The following TRIP12 variants were observed in gnomAD, a reference collection of about 807,000 sequenced individuals.
The protein encoded by TRIP12 is E3 ubiquitin-protein ligase TRIP12.
In TRIP12, 25 loss-of-function variants were observed where a neutral mutation model predicts 244.2. The observed-to-expected ratio is 0.10, with a 90% confidence interval of 0.07 to 0.14. The LOEUF (loss-of-function observed/expected upper bound fraction) is 0.14, where lower values mean the gene tolerates loss of function less well. TRIP12 is among the 10% of genes least tolerant of loss of function. The pLI is 1.00. For synonymous variants in TRIP12, 905 were observed against 873.1 expected (o/e 1.04, Z -0.64); for missense variants, 1,677 against 2,486.4 (o/e 0.67, Z 6.92).
At chr2:229,879,719 G>T (rs2064415388) in intron 2 of TRIP12, among the ~76,000 whole-genome samples, 1 of 152,172 alleles carries the variant, frequency 6.6e-6, no homozygotes, top group African/African-American at 2.4e-5. Context: ...AAGAGAAAGG[G>T]CAAACAAAAC....
intron 29 of TRIP12, 59 bp from the exon 30 acceptor site, chr2:229,791,310 A>G (rs2041470165): frequency 6.3e-7 from 1 of 1,589,154 alleles, no homozygotes; most frequent in Non-Finnish European, 8.6e-7. Flanking sequence ...TACAAAGCCA[A>G]AATCTAAGCC....
chr2:229,908,779 C>A (rs1210635367), intron 1 of TRIP12, among the ~76,000 whole-genome samples: 2 of 149,836 alleles, frequency 1.3e-5, no homozygotes, highest in African/African-American at 4.9e-5. Flanking sequence ...GGCTTACGCG[C>A]CTATAATCCC....
chr2:229,871,317 A>G (rs2062561713), intron 2 of TRIP12, among the ~76,000 whole-genome samples: 1 of 152,238 alleles, frequency 6.6e-6, no homozygotes, highest in South Asian at 2.1e-4. Flanking sequence ...AAATTAAAAG[A>G]CATTAGTAAT....
intron 4 of TRIP12, among the ~76,000 whole-genome samples, chr2:229,842,750 TA>T (rs1280814821): frequency 2.0e-5 from 3 of 152,192 alleles, no homozygotes; most frequent in Non-Finnish European, 4.4e-5. Flanking sequence ...ACATTAAAAA[TA>T]AATTATTCAA....
chr2:229,836,991 C>T lies in TRIP12; in HGVS notation c.1134-7G>A, dbSNP rs1451612521. On this transcript the variant is annotated splice_region_variant and splice_polypyrimidine_tract_variant and intron_variant, in intron 5 of 41. Transcript: ENST00000675903. The stretch of plus-strand genomic sequence containing the variant: ...CAGGCCAGAGCCTCGCCGACTACAA[C>T]AGAAAAATGTCATCATGGGCAGCAT... The T allele has an allele frequency of 6.5e-7, 1 of 1,530,694 alleles. No individual in the cohort carries two copies. The highest frequency in any genetic ancestry group is 1.2e-5 in the South Asian group (1 of 80,088). 94.8% of individuals were successfully genotyped at this position (1,530,694 alleles called of 1,614,324 possible). A position where few individuals can be genotyped will look rare whatever the true frequency, so the allele number is the denominator to read the frequency against.
Position 229,789,722 on chromosome 2 carries a change from G to A in TRIP12, c.4584C>T (p.Tyr1528=). 1.2e-6 allele frequency: 2 copies of A among 1,614,026 alleles called. No individual in the cohort carries two copies. Among genetic ancestry groups the A allele is most frequent in the African/African-American group, 1.3e-5 (1 of 75,018 alleles). ...CPSVSNPLEV[Y]LIPTPPENIT... is the part of the protein sequence containing the mutation. Reference sequence around the variant, plus strand: ...TATTTTCAGGTGGTGTGGGAATGAGGTAAACTTCTAAAGGATTTGATACTG... The same window carrying A: ...TATTTTCAGGTGGTGTGGGAATGAGATAAACTTCTAAAGGATTTGATACTG... Residue 1528 remains tyrosine (Y), a synonymous_variant, in exon 31 of 42, where the codon TAC becomes TAT. Coordinates refer to ENST00000675903, the MANE Select transcript of TRIP12 (RefSeq NM_001348323.3).
chr2:229,806,892 A>T (rs933528659), intron 17 of TRIP12, among the ~76,000 whole-genome samples: 4 of 152,250 alleles, frequency 2.6e-5, no homozygotes, highest in African/African-American at 9.6e-5. Context: ...CAAAGATTGA[A>T]ATTAGAAAAT....
At chr2:229,858,460 C>G (rs182796048) in intron 4 of TRIP12, among the ~76,000 whole-genome samples, 1 of 152,242 alleles carries the variant, frequency 6.6e-6, no homozygotes, top group Admixed American at 6.5e-5. Context: ...AGAAGAAAAT[C>G]CAACTTTATG....
chr2:229,896,255 G>A lies in TRIP12; in HGVS notation c.-49-16127C>T, dbSNP rs575664822. On this transcript the variant is annotated intron_variant, in intron 1 of 41. Coordinates refer to ENST00000675903, the MANE Select transcript of TRIP12 (RefSeq NM_001348323.3). ...TAAATGGAGTTATCATTTTAAGGTC[G>A]TTGTATTTTCCACAAAAAGACCTTG... Among the ~76,000 whole-genome samples, 39 of 152,196 alleles carry A rather than the reference G, an allele frequency of 2.6e-4. 1 individual carries two copies. The South Asian group carries it at 4.6e-3, about 18-fold the overall frequency.
rs565418314 is a variant in TRIP12, at chr2:229,795,484, C to T, written c.3817-154G>A. On this transcript the variant is annotated intron_variant, in intron 25 of 41. Coordinates refer to ENST00000675903, the MANE Select transcript of TRIP12 (RefSeq NM_001348323.3). Reference sequence around the variant, plus strand: ...AGATTTGGTTTGAACGATGTTACCACGTCAATTATTTCAATAAAGACAACT... The same window carrying T: ...AGATTTGGTTTGAACGATGTTACCATGTCAATTATTTCAATAAAGACAACT... Among the ~76,000 whole-genome samples the T allele has an allele frequency of 2.2e-4, 34 of 152,138 alleles. 1 individual carries two copies. The highest frequency in any genetic ancestry group is 1.9e-4 in the Non-Finnish European group (13 of 68,028).
chr2:229,870,765 AT>A (rs1333418596), intron 2 of TRIP12, among the ~76,000 whole-genome samples: 1 of 152,098 alleles, frequency 6.6e-6, no homozygotes, highest in Non-Finnish European at 1.5e-5. Flanking sequence ...TTATTTATTT[AT>A]TTTTTTGCGG....
intron 22 of TRIP12, 107 bp from the exon 23 acceptor site, chr2:229,799,156 T>C: frequency 6.6e-7 from 1 of 1,524,266 alleles, no homozygotes; most frequent in East Asian, 2.3e-5. Context: ...CTGAAAGAAC[T>C]AAGAACACTT....
intron 1 of TRIP12, among the ~76,000 whole-genome samples, chr2:229,918,534 A>C (rs1240625413): frequency 6.6e-6 from 1 of 152,260 alleles, no homozygotes; most frequent in Non-Finnish European, 1.5e-5. Flanking sequence ...AAACCAGAAC[A>C]GGTACTTTGT....
intron 2 of TRIP12, among the ~76,000 whole-genome samples, chr2:229,879,024 G>A (rs912508352): frequency 1.3e-5 from 2 of 152,064 alleles, no homozygotes; most frequent in Non-Finnish European, 1.5e-5. Flanking sequence ...AGGCCGAGGC[G>A]GGTGAATCGC....
rs183111209 is a variant in TRIP12 at position 229,851,113 on chromosome 2, G to C, written c.1027+7659C>G. Among the ~76,000 whole-genome samples the C allele has an allele frequency of 2.0e-5, 3 of 152,316 alleles. No homozygotes were observed. In the East Asian group the frequency reaches 5.8e-4, roughly 29 times the overall value. On this transcript the variant is annotated intron_variant, in intron 4 of 41. Coordinates refer to ENST00000675903, the MANE Select transcript of TRIP12 (RefSeq NM_001348323.3). ...GCTGAGGAGTCCGAGCACATGGCGC[G>C]GGACCGGCAGGCAGCTCCACGTGCA...
chr2:229,892,738 C>T (rs1238078793), intron 1 of TRIP12, among the ~76,000 whole-genome samples: 1 of 152,038 alleles, frequency 6.6e-6, no homozygotes, highest in Non-Finnish European at 1.5e-5. Context: ...TGGTAGTGCG[C>T]ATCTCTAGTC....
At chr2:229,869,156 G>A (rs571049630) in intron 2 of TRIP12, among the ~76,000 whole-genome samples, 2 of 152,220 alleles carry the variant, frequency 1.3e-5, no homozygotes, top group South Asian at 2.1e-4. Flanking sequence ...GTTTTTTCCT[G>A]TAGTATTATC....
At chr2:229,794,850 T>G (rs570519114) in intron 26 of TRIP12, 282 of 166,388 alleles carry the variant, frequency 1.7e-3, no homozygotes, top group Middle Eastern at 2.8e-3. Context: ...CACAAAAAAT[T>G]TTTTATCCCT....
Position 229,804,169 on chromosome 2 carries a change from C to T in TRIP12, c.2709G>A (p.Pro903=), listed in dbSNP as rs371540901. Residue 903 remains proline (P), a synonymous_variant, in exon 19 of 42, where the codon CCG becomes CCA. Coordinates refer to ENST00000675903, the MANE Select transcript of TRIP12 (RefSeq NM_001348323.3). ...TCTTAATAAAAGACTTAGCCAGTTC[C>T]GGATCCTCTTTCATAAGCTGTGCTC... ...DARAQLMKED[P]ELAKSFIKTL... The T allele has an allele frequency of 4.8e-5, 78 of 1,614,030 alleles. No homozygotes were observed. The highest frequency in any genetic ancestry group is 2.2e-4 in the Admixed American group (13 of 60,010).
Sources: allele counts gnomAD v4.1 joint callset (sites outside exome capture counted in the v4.1 genomes callset), GRCh38; gene constraint gnomAD v4.1.1; transcripts MANE v1.5; gene names NCBI Gene and HGNC (gene_info 2026-07-23, HGNC 2026-07-21).